The following WWOX variants were observed in gnomAD, a reference collection of about 807,000 sequenced individuals.
WWOX encodes WW domain-containing oxidoreductase.
Under a neutral mutation model 46.2 loss-of-function variants are expected in WWOX, and 69 were observed. The observed-to-expected ratio is 1.49, with a 90% CI of 1.23 to 1.82. The LOEUF is 1.82. WWOX is among the 40% of genes most tolerant of loss of function. The pLI, the probability that WWOX is intolerant of heterozygous loss-of-function variation, is 0.00. For synonymous variants in WWOX, 359 were observed against 202.6 expected (o/e 1.77, Z -6.56); for missense variants, 919 against 542.6 (o/e 1.69, Z -6.89).
At chr16:78,651,250 C>T (rs1244952021) in intron 8 of WWOX, among the ~76,000 whole-genome samples, 1 of 152,252 alleles carries the variant, frequency 6.6e-6, no homozygotes, top group African/African-American at 2.4e-5. Context: ...CATGCTTAAA[C>T]AAGAAAGGCA....
intron 8 of WWOX, among the ~76,000 whole-genome samples, chr16:78,995,041 G>C (rs2046962601): frequency 7.5e-6 from 1 of 133,470 alleles, no homozygotes; most frequent in Admixed American, 8.7e-5. Flanking sequence ...CGCTGAGAAA[G>C]GATTCCCAGT....
In WWOX at chr16:78,551,924, C is replaced by G. The variant is rs531509688; in HGVS notation, c.1056+119172C>G. 4 of 152,288 alleles carry G rather than the reference C, an allele frequency of 2.6e-5. No individual in the cohort carries two copies. In the East Asian group the frequency reaches 7.7e-4, roughly 29 times the overall value. The allele number at this position is 152,288 out of a possible 1,614,324, so 9.4% of individuals were successfully genotyped here. On this transcript the variant is annotated intron_variant, in intron 8 of 8. Coordinates refer to ENST00000566780, the MANE Select transcript of WWOX (RefSeq NM_016373.4). ...TGGTTTGCAGTGAGCAAAACCACCCCCTCTTACCTGTGGCAGCAAAGGCAG... is the reference window on the plus strand; with the variant it reads ...TGGTTTGCAGTGAGCAAAACCACCCGCTCTTACCTGTGGCAGCAAAGGCAG...
At chr16:79,177,487 A>T (rs971036367) in intron 8 of WWOX, among the ~76,000 whole-genome samples, 1 of 152,184 alleles carries the variant, frequency 6.6e-6, no homozygotes. Context: ...CAAAGCTTTT[A>T]TGGGGTCATT....
intron 8 of WWOX, among the ~76,000 whole-genome samples, chr16:79,192,880 G>T (rs1202102547): frequency 6.6e-6 from 1 of 152,148 alleles, no homozygotes. Context: ...TTCCTCACAG[G>T]GCCGCAGGAC....
intron 1 of WWOX, among the ~76,000 whole-genome samples, chr16:78,103,231 C>G (rs1014914414): frequency 7.0e-6 from 1 of 143,720 alleles, no homozygotes; most frequent in African/African-American, 2.5e-5. Context: ...GCTGGCCTCT[C>G]TGGCTCCGCT....
intron 8 of WWOX, among the ~76,000 whole-genome samples, chr16:79,121,117 T>C (rs934973249): frequency 2.0e-5 from 3 of 152,184 alleles, no homozygotes; most frequent in African/African-American, 7.2e-5. Flanking sequence ...TAGGACCCAC[T>C]TGGAATATCC....
intron 8 of WWOX, among the ~76,000 whole-genome samples, chr16:78,848,104 C>T (rs1325715864): frequency 1.3e-5 from 2 of 152,166 alleles, no homozygotes; most frequent in Non-Finnish European, 2.9e-5. Context: ...AGAAAGAGCA[C>T]AGCCCATTCG....
At chr16:78,879,229 T>G (rs1350920130) in intron 8 of WWOX, among the ~76,000 whole-genome samples, 3 of 152,160 alleles carry the variant, frequency 2.0e-5, no homozygotes, top group Non-Finnish European at 4.4e-5. Context: ...AAAGAGCTGG[T>G]TGGGCATGCC....
At chr16:78,341,605 G>A (rs539421911) in intron 5 of WWOX, among the ~76,000 whole-genome samples, 1 of 119,652 alleles carries the variant, frequency 8.4e-6, no homozygotes, top group East Asian at 1.9e-4. Context: ...GGAGTGGACA[G>A]GAAGTGATGC....
intron 8 of WWOX, among the ~76,000 whole-genome samples, chr16:78,712,788 G>A (rs922164662): frequency 1.6e-4 from 24 of 152,222 alleles, no homozygotes; most frequent in Admixed American, 1.3e-3. Context: ...TTAAAATAAT[G>A]CGGAAAAAAC....
chr16:78,685,252 G>A (rs1354652636), intron 8 of WWOX, among the ~76,000 whole-genome samples: 1 of 152,158 alleles, frequency 6.6e-6, no homozygotes, highest in Non-Finnish European at 1.5e-5. Flanking sequence ...TCAAGTGTTT[G>A]GTTTGGTCTT....
chr16:78,604,668 TC>T (rs1158200739), intron 8 of WWOX, among the ~76,000 whole-genome samples: 3 of 83,990 alleles, frequency 3.6e-5, no homozygotes, highest in African/African-American at 1.4e-4. Context: ...CTTCCTTCCT[TC>T]CCCCCTCCCT....
At chr16:78,217,443 G>A (rs902224582) in intron 5 of WWOX, among the ~76,000 whole-genome samples, 1 of 152,166 alleles carries the variant, frequency 6.6e-6, no homozygotes, top group Non-Finnish European at 1.5e-5. Context: ...AACAAAAATC[G>A]AGGGTGCCAA....
At chr16:79,203,651 C>G (rs769966397) in intron 8 of WWOX, 6 of 152,120 alleles carry the variant, frequency 3.9e-5, no homozygotes, top group Non-Finnish European at 7.3e-5. Context: ...CAGCCAGCTA[C>G]TTGGTTTTCT....
At chr16:78,750,679 G>A (rs187710638) in intron 8 of WWOX, among the ~76,000 whole-genome samples, 21 of 151,980 alleles carry the variant, frequency 1.4e-4, no homozygotes, top group Admixed American at 5.9e-4. Flanking sequence ...AGAGTCTATT[G>A]TTCCTGTCTT....
chr16:79,186,638 A>C (rs945528570), intron 8 of WWOX, among the ~76,000 whole-genome samples: 4 of 152,144 alleles, frequency 2.6e-5, no homozygotes, highest in African/African-American at 7.2e-5. Context: ...GGACTTGAAC[A>C]TATATTCTTC....
intron 8 of WWOX, among the ~76,000 whole-genome samples, chr16:79,208,908 C>A (rs1177849114): frequency 6.6e-6 from 1 of 152,070 alleles, no homozygotes; most frequent in Non-Finnish European, 1.5e-5. Context: ...GCTTAATTGT[C>A]CAGCAAGGGA....
chr16:78,363,634 A>C (rs2081463587), intron 5 of WWOX, among the ~76,000 whole-genome samples: 1 of 152,114 alleles, frequency 6.6e-6, no homozygotes, highest in African/African-American at 2.4e-5. Flanking sequence ...CCCAGAAGGT[A>C]AGATATTCCC....
At chr16:78,594,887 T>C (rs142500298) in intron 8 of WWOX, among the ~76,000 whole-genome samples, 22 of 152,356 alleles carry the variant, frequency 1.4e-4, no homozygotes, top group African/African-American at 4.8e-4. Flanking sequence ...TAGCAGCCTA[T>C]GCATATTGCA....
Sources: allele counts gnomAD v4.1 joint callset (sites outside exome capture counted in the v4.1 genomes callset), GRCh38; gene constraint gnomAD v4.1.1; transcripts MANE v1.5; gene names NCBI Gene and HGNC (gene_info 2026-07-23, HGNC 2026-07-21).